RHEBL1: variants seen among roughly 807,000 people sequenced by gnomAD.
The protein encoded by RHEBL1 is GTPase RhebL1.
RHEBL1 carries 22 observed loss-of-function variants against 27.4 expected under a neutral mutation model. The ratio of observed to expected loss-of-function variants is 0.80; its 90% CI spans 0.57 to 1.15. The LOEUF is 1.15. Ranked by LOEUF, RHEBL1 falls within the 50% of genes most tolerant of loss-of-function variation. The pLI, the probability that RHEBL1 is intolerant of heterozygous loss-of-function variation, is 0.00. For synonymous variants in RHEBL1, 85 were observed against 80.8 expected (o/e 1.05, Z -0.28); for missense variants, 186 against 226.5 (o/e 0.82, Z 1.15).
At position 49,066,589 on chromosome 12, in the gene RHEBL1, A is replaced by G. The variant is rs771339292; in HGVS notation, c.275+30T>C. 1.9e-6 allele frequency: 3 copies of G among 1,613,690 alleles called. No homozygotes were observed. The South Asian group carries it at 3.3e-5, about 18-fold the overall frequency. ...ATGAGACAGTCCTCAGGTTCTCCCA[A>G]GTCCCGCACTCACAACCTTGGTCAC... On this transcript the variant is annotated intron_variant, in intron 4 of 7. Transcript: ENST00000301068.
At position 49,064,738 on chromosome 12, in the gene RHEBL1, C is replaced by A. The variant is rs1938966480; in HGVS notation, c.*365G>T. 4.3e-6 allele frequency: 1 copy of A among 231,974 alleles called. No homozygotes were observed. Among genetic ancestry groups the A allele is most frequent in the Non-Finnish European group, 8.6e-6 (1 of 116,672 alleles). The allele number at this position is 231,974 out of a possible 1,614,324, so 14.4% of individuals were successfully genotyped here. A position where few individuals can be genotyped will look rare whatever the true frequency, so the allele number is the denominator to read the frequency against. Reference sequence around the variant, plus strand: ...ACATTGTCACCCCAGGGAGCCAGCTCTATTTCAGAAGTCCCCGGCTCCCCT... The same window carrying A: ...ACATTGTCACCCCAGGGAGCCAGCTATATTTCAGAAGTCCCCGGCTCCCCT... On this transcript the variant is annotated 3_prime_UTR_variant, in exon 8 of 8. Transcript: ENST00000301068.
At chr12:49,065,534 G>A (rs1938982452) in intron 6 of RHEBL1, 103 bp from the exon 7 acceptor site, 1 of 923,578 alleles carries the variant, frequency 1.1e-6, no homozygotes. Flanking sequence ...AGTGGCTCAT[G>A]CCTGTAATGC....
At position 49,064,733 on chromosome 12, in the gene RHEBL1, C is replaced by A; in HGVS notation, c.*370G>T. 4.5e-6 allele frequency: 1 copy of A among 223,764 alleles called. No individual in the cohort carries two copies. The highest frequency in any genetic ancestry group is 9.0e-6 in the Non-Finnish European group (1 of 111,518). 13.9% of individuals were successfully genotyped at this position (223,764 alleles called of 1,614,324 possible). On this transcript the variant is annotated 3_prime_UTR_variant, in exon 8 of 8. Transcript: ENST00000301068. ...TATATACATTGTCACCCCAGGGAGCCAGCTCTATTTCAGAAGTCCCCGGCT... is the reference window on the plus strand; with the variant it reads ...TATATACATTGTCACCCCAGGGAGCAAGCTCTATTTCAGAAGTCCCCGGCT...
intron 2 of RHEBL1, among the ~76,000 whole-genome samples, chr12:49,068,430 T>G (rs1197632138): frequency 1.0e-5 from 1 of 96,352 alleles, no homozygotes; most frequent in Admixed American, 9.6e-5. Context: ...GGTGCCCAGC[T>G]TTTTTTTTTT....
chr12:49,068,020 G>A (rs1477336721), intron 2 of RHEBL1, among the ~76,000 whole-genome samples: 2 of 151,904 alleles, frequency 1.3e-5, no homozygotes, highest in Non-Finnish European at 2.9e-5. Flanking sequence ...TCACCCTACT[G>A]ATCTACTAAG....
intron 7 of RHEBL1, 64 bp from the exon 8 acceptor site, chr12:49,065,256 GA>G: frequency 6.5e-7 from 1 of 1,544,806 alleles, no homozygotes; most frequent in Non-Finnish European, 9.0e-7. Flanking sequence ...GCTCTGGGGT[GA>G]AAGCCCCATT....
Position 49,069,844 on chromosome 12 carries a change from G to C in RHEBL1, c.-59C>G. The C allele has an allele frequency of 1.3e-6, 2 of 1,493,812 alleles. No homozygotes were observed. The highest frequency in any genetic ancestry group is 9.3e-7 in the Non-Finnish European group (1 of 1,073,198). The allele number at this position is 1,493,812 out of a possible 1,614,324, so 92.5% of individuals were successfully genotyped here. A position where few individuals can be genotyped will look rare whatever the true frequency, so the allele number is the denominator to read the frequency against. ...CGGGCTCAGAGAGCCCGAAAACGAG[G>C]TCAGGGTGTGAGCAGGCGCGGCAGC... is the stretch of plus-strand genomic sequence containing the variant. On this transcript the variant is annotated 5_prime_UTR_variant, in exon 1 of 8. Transcript: ENST00000301068.
At position 49,064,997 on chromosome 12, in the gene RHEBL1, G is replaced by T; in HGVS notation, c.*106C>A. 2 of 809,556 alleles carry T rather than the reference G, an allele frequency of 2.5e-6. No homozygotes were observed. Among genetic ancestry groups the T allele is most frequent in the South Asian group, 1.5e-5 (1 of 68,484 alleles). The allele number at this position is 809,556 out of a possible 1,614,324, so 50.1% of individuals were successfully genotyped here. On this transcript the variant is annotated 3_prime_UTR_variant, in exon 8 of 8. Coordinates refer to ENST00000301068, the MANE Select transcript of RHEBL1 (RefSeq NM_144593.3). The stretch of plus-strand genomic sequence containing the variant: ...GCCACACTGTGTGTCCAGGGGCCAG[G>T]AACACAGCTGGCAACCATACCCGTG...
rs1230320431 is a variant in RHEBL1, at chr12:49,066,717, A to G, written c.193-16T>C. 7 of 1,608,024 alleles carry G rather than the reference A, an allele frequency of 4.4e-6. No individual in the cohort carries two copies. Among genetic ancestry groups the G allele is most frequent in the Non-Finnish European group, 1.7e-6 (2 of 1,174,582 alleles). On this transcript the variant is annotated splice_polypyrimidine_tract_variant and intron_variant, in intron 3 of 7. Coordinates refer to ENST00000301068, the MANE Select transcript of RHEBL1 (RefSeq NM_144593.3). ...TGTACTCATCCTGGCAAGAAATGGG[A>G]AACATCAGTACCTAGATCCAAACCA...
chr12:49,067,504 C>T lies in RHEBL1; in HGVS notation c.125-469G>A, dbSNP rs546832764. On this transcript the variant is annotated intron_variant, in intron 2 of 7. Coordinates refer to ENST00000301068, the MANE Select transcript of RHEBL1 (RefSeq NM_144593.3). ...TTTTTAAAGTAGATTATTGGTTGGG[C>T]GCAGTGGCTCACACCTGTAATCCCA... Among the ~76,000 whole-genome samples the T allele has an allele frequency of 3.4e-5, 5 of 149,018 alleles. No homozygotes were observed. In the South Asian group the frequency reaches 1.1e-3, roughly 31 times the overall value.
At position 49,066,668 on chromosome 12, in the gene RHEBL1, T is replaced by G. The variant is rs1565839166; in HGVS notation, c.226A>C (p.Ile76Leu). The change falls in exon 4 of 8, where the codon ATT becomes CTT. Residue 76 changes from isoleucine to leucine, a missense_variant. Ile to Leu is a conservative substitution (Grantham distance 5, BLOSUM62 2). This residue lies in a region of RHEBL1 where 34 missense variants were observed against 69.3 expected (regional missense o/e 0.49). Coordinates refer to ENST00000301068, the MANE Select transcript of RHEBL1 (RefSeq NM_144593.3). ...ACAAGCACATAACCATGGACCCCAA[T>G]GATGAATGAATAGGGCAGAATGCTG... ...EYSILPYSFI[I>L]GVHGYVLVYS... 1 of 1,613,990 alleles carries G rather than the reference T, an allele frequency of 6.2e-7. No individual in the cohort carries two copies. The highest frequency in any genetic ancestry group is 1.1e-5 in the South Asian group (1 of 91,086).
At position 49,066,528 on chromosome 12, in the gene RHEBL1, G is replaced by A; in HGVS notation, c.280C>T (p.Gln94Ter). The A allele has an allele frequency of 2.5e-6, 4 of 1,613,864 alleles. No homozygotes were observed. Among genetic ancestry groups the A allele is most frequent in the East Asian group, 4.5e-5 (2 of 44,876 alleles). The change falls in exon 5 of 8, where the codon CAA becomes TAA. Residue 94 changes from glutamine (Q) to a stop codon, truncating the protein, a stop_gained. Coordinates refer to ENST00000301068, the MANE Select transcript of RHEBL1 (RefSeq NM_144593.3). LOFTEE classifies it high-confidence loss of function. Reference protein sequence around the residue: ...VYSVTSLHSFQVIESLYQKLH... With the variant: ...VYSVTSLHSF Reference sequence around the variant, plus strand: ...TTTTGGTACAGACTCTCAATGACTTGGAAGCTTTAAACACAAGAATTGGAG... The same window carrying A: ...TTTTGGTACAGACTCTCAATGACTTAGAAGCTTTAAACACAAGAATTGGAG...
rs542656710 is a variant in RHEBL1 at position 49,065,064 on chromosome 12, C to T, written c.*39G>A. 70 of 1,456,790 alleles carry T rather than the reference C, an allele frequency of 4.8e-5. No individual in the cohort carries two copies. The highest frequency in any genetic ancestry group is 6.8e-5 in the East Asian group (3 of 44,056). 90.2% of individuals were successfully genotyped at this position (1,456,790 alleles called of 1,614,324 possible). A position where few individuals can be genotyped will look rare whatever the true frequency, so the allele number is the denominator to read the frequency against. The stretch of plus-strand genomic sequence containing the variant: ...CCCCCCACTGGAACATGGCAAGTGC[C>T]GGGGGCAGAAGCAAGGCAGTTACCC... On this transcript the variant is annotated 3_prime_UTR_variant, in exon 8 of 8. Coordinates refer to ENST00000301068, the MANE Select transcript of RHEBL1 (RefSeq NM_144593.3).
In RHEBL1 at chr12:49,067,005, T is replaced by A. The variant is rs2120758380; in HGVS notation, c.155A>T (p.Asp52Val). 1 of 1,613,948 alleles carries A rather than the reference T, an allele frequency of 6.2e-7. No individual in the cohort carries two copies. ...GTCCACCAGATGTAGGTGAAACTCA[T>A]CTTTGCCAAGAGTCACTATCTTGCT... ...TYSKIVTLGK[D>V]EFHLHLVDTA... The change falls in exon 3 of 8, where the codon GAT (aspartate) becomes GTT (valine). Residue 52 changes from aspartate to valine, a missense_variant. Transcript: ENST00000301068.
At chr12:49,065,870 A>T (rs1202235319) in intron 6 of RHEBL1, among the ~76,000 whole-genome samples, 1 of 151,716 alleles carries the variant, frequency 6.6e-6, no homozygotes, top group African/African-American at 2.4e-5. Flanking sequence ...GGTTGCAGTG[A>T]GCCGAGATCA....
chr12:49,069,205 T>G (rs1159701928), intron 1 of RHEBL1, 99 bp from the exon 2 acceptor site: 1 of 1,599,900 alleles, frequency 6.3e-7, no homozygotes, highest in Admixed American at 1.7e-5. Context: ...AGACCCCAAA[T>G]TAACACCACA....
rs778880081 is a variant in RHEBL1 at position 49,066,533 on chromosome 12, C to G, written c.276-1G>C. The G allele has an allele frequency of 1.2e-6, 2 of 1,614,070 alleles. No individual in the cohort carries two copies. Among genetic ancestry groups the G allele is most frequent in the Non-Finnish European group, 1.7e-6 (2 of 1,180,050 alleles). Reference sequence around the variant, plus strand: ...GTACAGACTCTCAATGACTTGGAAGCTTTAAACACAAGAATTGGAGCTATA... The same window carrying G: ...GTACAGACTCTCAATGACTTGGAAGGTTTAAACACAAGAATTGGAGCTATA... On this transcript the variant is annotated splice_acceptor_variant, in intron 4 of 7. Coordinates refer to ENST00000301068, the MANE Select transcript of RHEBL1 (RefSeq NM_144593.3). LOFTEE classifies it high-confidence loss of function.
intron 3 of RHEBL1, 53 bp downstream of exon 3, chr12:49,066,915 T>G: frequency 7.0e-7 from 1 of 1,434,590 alleles, no homozygotes; most frequent in Non-Finnish European, 9.8e-7. Context: ...ACTACCAGAC[T>G]TCATCTCCGA....
chr12:49,068,786 G>C (rs1939039653), intron 2 of RHEBL1, among the ~76,000 whole-genome samples: 2 of 152,196 alleles, frequency 1.3e-5, no homozygotes, highest in African/African-American at 4.8e-5. Context: ...CAGCTCCAGG[G>C]AGTTATCCAG....
Sources: gnomAD v4.1 joint callset for allele counts (sites outside exome capture counted in the v4.1 genomes callset) on GRCh38, gnomAD v4.1.1 for gene constraint, gnomAD v4.1.1 regional missense constraint, MANE v1.5 for transcripts, NCBI Gene and HGNC (gene_info 2026-07-23, HGNC 2026-07-21) for gene names.